Variants in SYNE1 observed in about 807,000 individuals in gnomAD.
SYNE1 encodes the protein nesprin-1.
In SYNE1, 616 loss-of-function variants were observed where a neutral mutation model predicts 1,111.0. The observed-to-expected ratio is 0.55, with a 90% CI of 0.52 to 0.59. The LOEUF (loss-of-function observed/expected upper bound fraction) is 0.59. SYNE1 is among the 20% of genes least tolerant of loss of function. The probability of loss-of-function intolerance (pLI) is 0.00; values close to 1 mark genes in which losing one functional copy is unlikely to be tolerated. For missense variants in SYNE1, 10,006 were observed against 10,417.0 expected (o/e 0.96, Z 1.72); for synonymous variants, 3,855 against 3,825.8 (o/e 1.01, Z -0.28).
intron 3 of SYNE1, among the ~76,000 whole-genome samples, chr6:152,612,103 A>G (rs1404800788): frequency 6.6e-6 from 1 of 151,436 alleles, no homozygotes. Flanking sequence ...AAACAAGAGC[A>G]AATAAATTCA....
At chr6:152,420,571 G>C (rs2098242068) in intron 39 of SYNE1, among the ~76,000 whole-genome samples, 1 of 152,170 alleles carries the variant, frequency 6.6e-6, no homozygotes. Context: ...TGTGAGCTGA[G>C]ATCATGCCAC....
Position 152,138,200 on chromosome 6 carries a change from T to C in SYNE1, c.25459-1382A>G, listed in dbSNP as rs192608775. On this transcript the variant is annotated intron_variant, in intron 140 of 145. Coordinates refer to ENST00000367255, the MANE Select transcript of SYNE1 (RefSeq NM_182961.4). Reference sequence around the variant, plus strand: ...GGAGGGGAGATTCATTTCTCTTGTTTGAAGTTTTCTGTTTGAAAATTTAAA... The same window carrying C: ...GGAGGGGAGATTCATTTCTCTTGTTCGAAGTTTTCTGTTTGAAAATTTAAA... Among the ~76,000 whole-genome samples, 361 of 152,294 alleles carry C rather than the reference T, an allele frequency of 2.4e-3. 2 individuals are homozygous for C. Among genetic ancestry groups the C allele is most frequent in the African/African-American group, 8.3e-3 (345 of 41,566 alleles).
At chr6:152,542,518 G>A (rs1366256425) in intron 3 of SYNE1, among the ~76,000 whole-genome samples, 3 of 151,866 alleles carry the variant, frequency 2.0e-5, no homozygotes, top group African/African-American at 7.3e-5. Flanking sequence ...TATTATATAA[G>A]TATTAATCCA....
chr6:152,180,947 A>G (rs1469797960), intron 128 of SYNE1, among the ~76,000 whole-genome samples: 2 of 150,126 alleles, frequency 1.3e-5, no homozygotes, highest in Admixed American at 6.6e-5. Flanking sequence ...TTTTTTTCGC[A>G]TGACAGATTT....
chr6:152,465,898 A>C (rs915161866), intron 17 of SYNE1, 84 bp downstream of exon 17: 7 of 1,019,350 alleles, frequency 6.9e-6, no homozygotes, highest in African/African-American at 6.3e-5. Context: ...CACGGACAGA[A>C]AGAATGATCT....
At chr6:152,497,888 T>C (rs896795764) in intron 11 of SYNE1, among the ~76,000 whole-genome samples, 2 of 152,340 alleles carry the variant, frequency 1.3e-5, no homozygotes, top group East Asian at 1.9e-4. Context: ...CAAGCAGCTA[T>C]ACTGCCAGCA....
rs1309589115 is a variant in SYNE1 at position 152,354,862 on chromosome 6, G to C, written c.10723C>G (p.Leu3575Val). 2.5e-6 allele frequency: 4 copies of C among 1,614,068 alleles called. No homozygotes were observed. The highest frequency in any genetic ancestry group is 3.4e-6 in the Non-Finnish European group (4 of 1,180,038). Residue 3575 changes from leucine to valine, a missense_variant, in exon 67 of 146, where the codon CTC becomes GTC. By Grantham distance (32) the Leu-to-Val change is conservative (BLOSUM62 1). This residue lies in a region of SYNE1 where 4,955 missense variants were observed against 5,017.2 expected (regional missense o/e 0.99). Coordinates refer to ENST00000367255, the MANE Select transcript of SYNE1 (RefSeq NM_182961.4). Reference sequence around the variant, plus strand: ...TGGTAAGCCTGCCAGTCTTGCCGGAGAGACTCTAAAGCCCGGTCCTCTGCC... The same window carrying C: ...TGGTAAGCCTGCCAGTCTTGCCGGACAGACTCTAAAGCCCGGTCCTCTGCC... Reference protein sequence around the residue: ...PQAEDRALESLRQDWQAYQHR... With the variant: ...PQAEDRALESVRQDWQAYQHR...
intron 124 of SYNE1, among the ~76,000 whole-genome samples, chr6:152,210,350 T>C (rs1160991648): frequency 6.6e-6 from 1 of 152,200 alleles, no homozygotes; most frequent in Non-Finnish European, 1.5e-5. Context: ...ATTTATAATA[T>C]TGTTATAGAG....
intron 128 of SYNE1, among the ~76,000 whole-genome samples, chr6:152,181,311 T>C (rs893347957): frequency 3.9e-5 from 6 of 152,008 alleles, no homozygotes; most frequent in Admixed American, 6.6e-5. Flanking sequence ...ACTTGGGAAG[T>C]TGAGGCAGGA....
chr6:152,566,594 A>T (rs1325627627), intron 3 of SYNE1, among the ~76,000 whole-genome samples: 3 of 152,152 alleles, frequency 2.0e-5, no homozygotes, highest in African/African-American at 4.8e-5. Flanking sequence ...TCTTAAATTC[A>T]CGGTGCTGTA....
chr6:152,154,132 C>T (rs1360179277), intron 133 of SYNE1, among the ~76,000 whole-genome samples: 1 of 152,066 alleles, frequency 6.6e-6, no homozygotes, highest in African/African-American at 2.4e-5. Flanking sequence ...GGGAAAAACA[C>T]CTTCAAATTT....
At chr6:152,559,740 C>T (rs2099388685) in intron 3 of SYNE1, among the ~76,000 whole-genome samples, 1 of 151,986 alleles carries the variant, frequency 6.6e-6, no homozygotes, top group Non-Finnish European at 1.5e-5. Flanking sequence ...AAGAGAAAGA[C>T]TAAGCCCAAA....
rs778418319 is a variant in SYNE1, at chr6:152,148,216, G to A, written c.24805C>T (p.Arg8269Trp). 24 of 1,614,094 alleles carry A rather than the reference G, an allele frequency of 1.5e-5. No homozygotes were observed. The highest frequency in any genetic ancestry group is 3.3e-5 in the Admixed American group (2 of 60,022). Residue 8269 changes from arginine (R) to tryptophan (W), a missense_variant, in exon 137 of 146, where the codon CGG becomes TGG. Arg to Trp is a moderately radical substitution (Grantham distance 101). Around this residue, in one of 7 missense-constraint regions of SYNE1, gnomAD observed 761 missense variants for 795.5 expected, o/e 0.96. Coordinates refer to ENST00000367255, the MANE Select transcript of SYNE1 (RefSeq NM_182961.4). This position sits in a 1 kb window ranked among gnomAD's most constrained non-coding sequence, Gnocchi z 4.1. ...CTAGCCGGGGTGTCTCGTCCTGACC[G>A]CTCGCTCCGGAGGGGCTGAGCGAGC... ...LSLAQPLRSE[R>W]SGRDTPASVD...
At chr6:152,347,854 T>G (rs946587290) in intron 72 of SYNE1, among the ~76,000 whole-genome samples, 18 of 151,112 alleles carry the variant, frequency 1.2e-4, no homozygotes, top group Non-Finnish European at 2.1e-4. Flanking sequence ...CTAATTTTTT[T>G]TTTTTTTTGT....
rs192183167 is a variant in SYNE1 at position 152,401,454 on chromosome 6, G to T, written c.6826-113C>A. 1.1e-4 allele frequency: 114 copies of T among 1,037,664 alleles called. No homozygotes were observed. The East Asian group carries it at 2.1e-3, about 19-fold the overall frequency. 64.3% of individuals were successfully genotyped at this position (1,037,664 alleles called of 1,614,324 possible). A position where few individuals can be genotyped will look rare whatever the true frequency, so the allele number is the denominator to read the frequency against. ...GTCAAAGCCACACAAGTCTCATCAT[G>T]GAAGCCAGCTCCAATGTTAATATGC... On this transcript the variant is annotated intron_variant, in intron 46 of 145. Transcript: ENST00000367255.
intron 21 of SYNE1, among the ~76,000 whole-genome samples, chr6:152,459,176 G>A (rs989693928): frequency 1.3e-5 from 2 of 151,604 alleles, no homozygotes; most frequent in African/African-American, 4.9e-5. Flanking sequence ...CATCTAAATC[G>A]TCCATCTGGA....
intron 128 of SYNE1, among the ~76,000 whole-genome samples, chr6:152,187,581 T>C (rs1256706705): frequency 6.6e-6 from 1 of 152,182 alleles, no homozygotes; most frequent in East Asian, 1.9e-4. Flanking sequence ...GTCAGAGTGT[T>C]CATTTGCTTC....
chr6:152,332,263 T>C (rs1488309454), intron 77 of SYNE1, among the ~76,000 whole-genome samples: 1 of 152,186 alleles, frequency 6.6e-6, no homozygotes, highest in Non-Finnish European at 1.5e-5. Flanking sequence ...CATGAGCCAC[T>C]ACTCCTGGCT....
chr6:152,407,255 C>T (rs1169116096), intron 44 of SYNE1, 59 bp from the exon 45 acceptor site: 3 of 1,515,884 alleles, frequency 2.0e-6, no homozygotes, highest in South Asian at 1.1e-5. Context: ...GATCATCCCC[C>T]AACCAAAGTA....
Sources: gnomAD v4.1 joint callset for allele counts (sites outside exome capture counted in the v4.1 genomes callset) on GRCh38, gnomAD v4.1.1 for gene constraint, gnomAD v4.1.1 regional missense constraint, Gnocchi (gnomAD v3.1) non-coding constraint, MANE v1.5 for transcripts, NCBI Gene and HGNC (gene_info 2026-07-23, HGNC 2026-07-21) for gene names.